Variants in RNGTT observed in about 807,000 individuals in gnomAD.
The protein encoded by RNGTT is RNA guanylyltransferase and 5'-phosphatase, also known as mRNA-capping enzyme.
In RNGTT, 33 loss-of-function variants were observed where a neutral mutation model predicts 79.3. The observed-to-expected ratio is 0.42, with a 90% confidence interval of 0.32 to 0.56. The LOEUF (loss-of-function observed/expected upper bound fraction) is 0.56. RNGTT is among the 20% of genes least tolerant of loss of function. The probability of loss-of-function intolerance (pLI) is 0.17; values close to 1 mark genes in which losing one functional copy is unlikely to be tolerated. For missense variants in RNGTT, 497 were observed against 739.1 expected (o/e 0.67, Z 3.80); for synonymous variants, 222 against 235.9 (o/e 0.94, Z 0.54).
chr6:88,935,327 T>G (rs954519166), intron 2 of RNGTT, among the ~76,000 whole-genome samples: 1 of 152,230 alleles, frequency 6.6e-6, no homozygotes, highest in African/African-American at 2.4e-5. Flanking sequence ...TATAGCCTTG[T>G]AATACACTGT....
chr6:88,771,315 G>GTGTGTGTGTGTATA (rs1303688973), intron 12 of RNGTT, among the ~76,000 whole-genome samples: 2 of 62,074 alleles, frequency 3.2e-5, no homozygotes, highest in East Asian at 5.0e-4. Flanking sequence ...GTGTGTGTGT[G>GTGTGTGTGTGTATA]TATATATATA....
At chr6:88,629,113 GA>G (rs1212567535) in intron 14 of RNGTT, among the ~76,000 whole-genome samples, 2 of 152,096 alleles carry the variant, frequency 1.3e-5, no homozygotes, top group African/African-American at 4.8e-5. Flanking sequence ...CAAAGTAGGA[GA>G]AATCTCAAAA....
chr6:88,943,354 C>G (rs575785463), intron 1 of RNGTT, among the ~76,000 whole-genome samples: 1 of 152,142 alleles, frequency 6.6e-6, no homozygotes, highest in African/African-American at 2.4e-5. Flanking sequence ...TTATCCTTGC[C>G]TATTCTCCTT....
At chr6:88,762,185 A>C (rs922495309) in intron 13 of RNGTT, among the ~76,000 whole-genome samples, 6 of 152,226 alleles carry the variant, frequency 3.9e-5, no homozygotes, top group East Asian at 3.9e-4. Flanking sequence ...CACAAATACA[A>C]CCTGCGGTTA....
chr6:88,934,105 C>T (rs1252924777), intron 2 of RNGTT, among the ~76,000 whole-genome samples: 1 of 152,132 alleles, frequency 6.6e-6, no homozygotes, highest in Non-Finnish European at 1.5e-5. Flanking sequence ...TCATAGCTCA[C>T]CACTGTAACT....
At chr6:88,667,150 G>A (rs1346951116) in intron 14 of RNGTT, among the ~76,000 whole-genome samples, 5 of 152,104 alleles carry the variant, frequency 3.3e-5, no homozygotes, top group African/African-American at 4.8e-5. Context: ...CATCAGTCAC[G>A]GCCCCTCTGC....
At chr6:88,644,573 C>G (rs1315281143) in intron 14 of RNGTT, among the ~76,000 whole-genome samples, 1 of 152,188 alleles carries the variant, frequency 6.6e-6, no homozygotes, top group Non-Finnish European at 1.5e-5. Context: ...AGACCAATAT[C>G]CCTGATGAAC....
intron 10 of RNGTT, among the ~76,000 whole-genome samples, chr6:88,845,140 G>A (rs918031059): frequency 2.0e-5 from 3 of 151,428 alleles, no homozygotes; most frequent in African/African-American, 7.4e-5. Context: ...GTACAAGCGA[G>A]TAACACACCA....
At chr6:88,739,738 T>C (rs1777412489) in intron 13 of RNGTT, among the ~76,000 whole-genome samples, 1 of 25,240 alleles carries the variant, frequency 4.0e-5, no homozygotes, top group African/African-American at 1.1e-4. Flanking sequence ...TATATATATA[T>C]ATATATATAT....
Position 88,800,493 on chromosome 6 carries a change from C to T in RNGTT, c.1338+1071G>A, listed in dbSNP as rs150151205. On this transcript the variant is annotated intron_variant, in intron 12 of 15. Coordinates refer to ENST00000369485, the MANE Select transcript of RNGTT (RefSeq NM_003800.5). ...GATGTCTCCATATATAAATTCTCAA[C>T]TAGCTTATACTCTAATTACTAAAAG... Among the ~76,000 whole-genome samples the T allele has an allele frequency of 5.0e-3, 764 of 152,268 alleles. 5 individuals carry two copies. The highest frequency in any genetic ancestry group is 0.017 in the African/African-American group (707 of 41,552).
intron 1 of RNGTT, among the ~76,000 whole-genome samples, chr6:88,957,978 T>G (rs1158724549): frequency 6.6e-6 from 1 of 152,182 alleles, no homozygotes; most frequent in Non-Finnish European, 1.5e-5. Context: ...CTTCAAATTA[T>G]ACTACAAGAC....
rs566207023 is a variant in RNGTT, at chr6:88,728,373, C to T, written c.1439+41401G>A. ...ATTAGAGAATTGGGACCATTTAATC[C>T]GGGGAGATTTTGATAAAGACCCCAG... On this transcript the variant is annotated intron_variant, in intron 13 of 15. Coordinates refer to ENST00000369485, the MANE Select transcript of RNGTT (RefSeq NM_003800.5). Among the ~76,000 whole-genome samples the T allele has an allele frequency of 2.4e-4, 36 of 152,286 alleles. No individual in the cohort carries two copies. The South Asian group carries it at 4.1e-3, about 18-fold the overall frequency.
rs200192996 is a variant in RNGTT at position 88,672,264 on chromosome 6, CAT to C, written c.1506+6087_1506+6088del. 8.8e-3 allele frequency among the ~76,000 whole-genome samples: 1,320 copies of C among 149,480 alleles called. 10 individuals carry two copies. The highest frequency in any genetic ancestry group is 8.8e-3 in the Non-Finnish European group (599 of 67,774). On this transcript the variant is annotated intron_variant, in intron 14 of 15. Coordinates refer to ENST00000369485, the MANE Select transcript of RNGTT (RefSeq NM_003800.5). ...ACACACACACACATATATACACACA[CAT>C]ATATATAAATGTATACACATATATA...
chr6:88,932,868 TCATA>T (rs1784552922), intron 2 of RNGTT, among the ~76,000 whole-genome samples: 1 of 152,302 alleles, frequency 6.6e-6, no homozygotes, highest in African/African-American at 2.4e-5. Flanking sequence ...AATAGTAAAT[TCATA>T]CATCTTCCAC....
At chr6:88,933,949 G>A (rs574875091) in intron 2 of RNGTT, among the ~76,000 whole-genome samples, 9 of 152,186 alleles carry the variant, frequency 5.9e-5, no homozygotes, top group Non-Finnish European at 1.0e-4. Context: ...ACTAATTTAC[G>A]TTCCAACCAA....
In RNGTT at chr6:88,794,644, C is replaced by T. The variant is rs75743403; in HGVS notation, c.1338+6920G>A. On this transcript the variant is annotated intron_variant, in intron 12 of 15. Coordinates refer to ENST00000369485, the MANE Select transcript of RNGTT (RefSeq NM_003800.5). ...GTGAGGCAAAAATATAACCACAGCC[C>T]ATAGATTTTGTGAGGCAAAAATATA... Among the ~76,000 whole-genome samples, 126 of 152,126 alleles carry T rather than the reference C, an allele frequency of 8.3e-4. 1 individual carries two copies. In the East Asian group the frequency reaches 0.017, roughly 21 times the overall value.
At chr6:88,629,624 G>C (rs1416025533) in intron 14 of RNGTT, among the ~76,000 whole-genome samples, 3 of 152,098 alleles carry the variant, frequency 2.0e-5, no homozygotes, top group Non-Finnish European at 4.4e-5. Flanking sequence ...AAATTACGCA[G>C]GCAAAGAAAA....
intron 8 of RNGTT, among the ~76,000 whole-genome samples, chr6:88,887,114 A>T (rs1782889666): frequency 6.6e-6 from 1 of 151,674 alleles, no homozygotes; most frequent in Non-Finnish European, 1.5e-5. Context: ...GGCCTTGGTC[A>T]GGCTAATGCA....
At chr6:88,701,443 T>C (rs1203514221) in intron 13 of RNGTT, among the ~76,000 whole-genome samples, 2 of 152,106 alleles carry the variant, frequency 1.3e-5, no homozygotes, top group South Asian at 2.1e-4. Context: ...TTATCCTATA[T>C]ATGCGTGTGT....
Sources: gnomAD v4.1 joint callset for allele counts (sites outside exome capture counted in the v4.1 genomes callset) on GRCh38, gnomAD v4.1.1 for gene constraint, MANE v1.5 for transcripts, NCBI Gene and HGNC (gene_info 2026-07-23, HGNC 2026-07-21) for gene names.